The following LYRM4 variants were observed in gnomAD, a reference collection of about 807,000 sequenced individuals.
LYRM4 encodes LYR motif-containing protein 4.
LYRM4 carries 9 observed loss-of-function variants against 11.7 expected under a neutral mutation model. The observed-to-expected ratio is 0.77, with a 90% CI of 0.46 to 1.34. The LOEUF is 1.34. Among genes scored for constraint, LYRM4 ranks in the 40% most tolerant of loss-of-function variants. The probability of loss-of-function intolerance (pLI) is 0.00; values close to 1 mark genes in which losing one functional copy is unlikely to be tolerated. For missense variants in LYRM4, 133 were observed against 112.5 expected (o/e 1.18, Z -0.82); for synonymous variants, 42 against 40.4 (o/e 1.04, Z -0.15).
chr6:5,120,145 T>A (rs1402968671), intron 2 of LYRM4, among the ~76,000 whole-genome samples: 1 of 152,110 alleles, frequency 6.6e-6, no homozygotes, highest in Non-Finnish European at 1.5e-5. Flanking sequence ...TCCATCCACC[T>A]CGGCCTCCCA....
the LYRM4 span, among the ~76,000 whole-genome samples, chr6:5,037,564 C>A: frequency 1.2e-5 from 1 of 82,538 alleles, no homozygotes; most frequent in South Asian, 4.8e-4. Flanking sequence ...CAGAGGGGCT[C>A]CTCACTTCCC....
chr6:5,091,329 T>C, the LYRM4 span, among the ~76,000 whole-genome samples: 1 of 152,192 alleles, frequency 6.6e-6, no homozygotes, highest in Non-Finnish European at 1.5e-5. Flanking sequence ...TGGGACACAC[T>C]GTTTTTTGCT....
At chr6:5,226,692 A>T (rs914456733) in intron 1 of LYRM4, among the ~76,000 whole-genome samples, 2 of 152,190 alleles carry the variant, frequency 1.3e-5, no homozygotes, top group African/African-American at 4.8e-5. Flanking sequence ...TTACGTTTTT[A>T]AAAGTGAAAG....
rs1044683596 is a variant in LYRM4, at chr6:5,203,947, G to C, written c.207+12671C>G. 3.9e-5 allele frequency among the ~76,000 whole-genome samples: 6 copies of C among 152,220 alleles called. No individual in the cohort carries two copies. The East Asian group carries it at 5.8e-4, about 15-fold the overall frequency. On this transcript the variant is annotated intron_variant, in intron 2 of 2. Coordinates refer to ENST00000330636, the MANE Select transcript of LYRM4 (RefSeq NM_020408.6). ...AAAAGCAGTTTGAAGTATAGATGAG[G>C]CTGCAGCTGTCTCTTACTTACTGAA...
chr6:5,230,428 T>C (rs999038978), intron 1 of LYRM4, among the ~76,000 whole-genome samples: 1 of 152,078 alleles, frequency 6.6e-6, no homozygotes, highest in Admixed American at 6.6e-5. Flanking sequence ...GCTTCTTTTT[T>C]CCCCCCACCT....
the LYRM4 span, among the ~76,000 whole-genome samples, chr6:5,060,067 T>C: frequency 6.6e-6 from 1 of 152,258 alleles, no homozygotes; most frequent in Non-Finnish European, 1.5e-5. Context: ...TCCCATAATA[T>C]ATTGAACTTG....
chr6:5,134,642 C>T (rs1224958653), intron 2 of LYRM4, among the ~76,000 whole-genome samples: 1 of 152,078 alleles, frequency 6.6e-6, no homozygotes, highest in African/African-American at 2.4e-5. Flanking sequence ...CATGGGTAGG[C>T]GTAAGGATGA....
chr6:5,047,430 CATGT>C, the LYRM4 span, among the ~76,000 whole-genome samples: 1 of 152,190 alleles, frequency 6.6e-6, no homozygotes, highest in Non-Finnish European at 1.5e-5. Flanking sequence ...CTTCCAAAAA[CATGT>C]ATCTGCCTTA....
chr6:5,246,536 A>C (rs1191619811), intron 1 of LYRM4, among the ~76,000 whole-genome samples: 2 of 152,198 alleles, frequency 1.3e-5, no homozygotes, highest in African/African-American at 4.8e-5. Flanking sequence ...GCTGTACTTG[A>C]GAAACCTCAC....
intron 1 of LYRM4, chr6:5,236,510 CAA>C (rs889728379): frequency 2.0e-5 from 3 of 151,558 alleles, no homozygotes; most frequent in African/African-American, 7.3e-5. Context: ...TTTCTGAAAC[CAA>C]AGTTTTCATT....
At chr6:5,228,859 C>T (rs1389866275) in intron 1 of LYRM4, among the ~76,000 whole-genome samples, 9 of 151,122 alleles carry the variant, frequency 6.0e-5, no homozygotes, top group Non-Finnish European at 1.3e-4. Context: ...AAAAAATTAG[C>T]CGGGCGTGGT....
At chr6:5,144,960 A>C (rs200867) in intron 2 of LYRM4, among the ~76,000 whole-genome samples, 122,022 of 152,188 alleles carry the variant, frequency 0.8, 49,106 homozygotes, top group East Asian at 0.92. Context: ...ATGAGCCCAA[A>C]GTGAGAGTCA....
At chr6:5,090,041 C>CACA in the LYRM4 span, among the ~76,000 whole-genome samples, 4 of 74,906 alleles carry the variant, frequency 5.3e-5, no homozygotes, top group African/African-American at 3.3e-4. This position sits in a 1 kb window ranked among gnomAD's most constrained non-coding sequence, Gnocchi z 4.8. Context: ...CACACACACA[C>CACA]CACACACACA....
At chr6:5,157,948 G>A (rs995704397) in intron 2 of LYRM4, among the ~76,000 whole-genome samples, 2 of 152,212 alleles carry the variant, frequency 1.3e-5, no homozygotes, top group Non-Finnish European at 2.9e-5. Flanking sequence ...CCATCCAGGA[G>A]GTCTAATGAA....
chr6:5,214,752 T>C lies in LYRM4; in HGVS notation c.207+1866A>G, dbSNP rs147866482. ...ACTGTGCCTTACGCCCTAACTACTGTAAAGGCTGCATGTGGATTCAGGAAG... is the reference window on the plus strand; with the variant it reads ...ACTGTGCCTTACGCCCTAACTACTGCAAAGGCTGCATGTGGATTCAGGAAG... On this transcript the variant is annotated intron_variant, in intron 2 of 2. Transcript: ENST00000330636. Among the ~76,000 whole-genome samples the C allele has an allele frequency of 2.6e-5, 4 of 152,308 alleles. No homozygotes were observed. In the East Asian group the frequency reaches 7.7e-4, roughly 29 times the overall value.
chr6:5,219,879 G>A (rs987185992), intron 1 of LYRM4, among the ~76,000 whole-genome samples: 11 of 152,132 alleles, frequency 7.2e-5, no homozygotes, highest in Admixed American at 1.3e-4. Context: ...TGAGTCAGAC[G>A]CTGTCTGAAA....
chr6:5,049,576 T>C, the LYRM4 span, among the ~76,000 whole-genome samples: 1 of 152,216 alleles, frequency 6.6e-6, no homozygotes, highest in African/African-American at 2.4e-5. Flanking sequence ...AGTTTCCTCA[T>C]CTGTAACATA....
intron 2 of LYRM4, among the ~76,000 whole-genome samples, chr6:5,159,483 A>C (rs74733289): frequency 0.021 from 3,192 of 152,318 alleles, 111 homozygotes; most frequent in African/African-American, 0.072. Context: ...TAATTTATTC[A>C]TTGTATTTAC....
At chr6:5,102,463 C>A (rs548499554), downstream of LYRM4, 2 of 152,280 alleles carry the variant, frequency 1.3e-5, no homozygotes, top group African/African-American at 4.8e-5. Context: ...GATGAAGTCA[C>A]ATGAATTCAC....
Sources: gnomAD v4.1 joint callset for allele counts (sites outside exome capture counted in the v4.1 genomes callset) on GRCh38, gnomAD v4.1.1 for gene constraint, Gnocchi (gnomAD v3.1) non-coding constraint, MANE v1.5 for transcripts, NCBI Gene and HGNC (gene_info 2026-07-23, HGNC 2026-07-21) for gene names.